The following CEP112 variants were observed in gnomAD, a reference collection of about 807,000 sequenced individuals.
The protein encoded by CEP112 is centrosomal protein of 112 kDa.
Under a neutral mutation model 153.0 loss-of-function variants are expected in CEP112, and 127 were observed. That is an observed-to-expected ratio of 0.83 (90% CI 0.72 to 0.96). CEP112 has a LOEUF of 0.96. CEP112 is among the 40% of genes least tolerant of loss of function. CEP112 has a pLI of 0.00. For missense variants in CEP112, 1,089 were observed against 1,101.2 expected, an observed-to-expected ratio of 0.99 and a Z score of 0.16; for synonymous variants, 358 against 374.4, an observed-to-expected ratio of 0.96 and a Z score of 0.51.
intron 12 of CEP112, among the ~76,000 whole-genome samples, chr17:66,030,418 T>C (rs897117706): frequency 2.6e-5 from 4 of 152,196 alleles, no homozygotes; most frequent in African/African-American, 9.7e-5. Context: ...TGATTTTAAG[T>C]TTTTGAAATG....
chr17:66,067,428 A>G (rs189120401), intron 9 of CEP112, among the ~76,000 whole-genome samples: 1 of 152,302 alleles, frequency 6.6e-6, no homozygotes, highest in Admixed American at 6.5e-5. Flanking sequence ...TATGTGTCTA[A>G]TATTTCTCTT....
intron 19 of CEP112, among the ~76,000 whole-genome samples, chr17:65,922,081 TGTAATGCCACTAGCATGTATAAAA>T (rs2060751704): frequency 6.6e-6 from 1 of 152,166 alleles, no homozygotes; most frequent in Non-Finnish European, 1.5e-5. Context: ...CCAAAAAGCC[TGTAATGCCACTAGCATGTATAAAA>T]GTACCAATTT....
At chr17:66,017,431 C>CA (rs2064818743) in intron 16 of CEP112, among the ~76,000 whole-genome samples, 5 of 152,158 alleles carry the variant, frequency 3.3e-5, no homozygotes, top group Non-Finnish European at 7.3e-5. Flanking sequence ...CTGGGGGTTT[C>CA]TTAAGGTAGA....
chr17:65,687,160 A>ATTTT (rs35675811), intron 24 of CEP112, among the ~76,000 whole-genome samples: 60 of 90,142 alleles, frequency 6.7e-4, no homozygotes, highest in East Asian at 1.0e-3. Flanking sequence ...GTTATTATTA[A>ATTTT]TTTTTTTTTT....
chr17:65,885,502 G>A (rs946921960), intron 20 of CEP112, among the ~76,000 whole-genome samples: 14 of 151,880 alleles, frequency 9.2e-5, no homozygotes, highest in African/African-American at 3.1e-4. Flanking sequence ...AAAAAAAAAC[G>A]GTTTGAATTA....
At chr17:66,044,739 T>C (rs887157818) in intron 12 of CEP112, among the ~76,000 whole-genome samples, 3 of 152,140 alleles carry the variant, frequency 2.0e-5, no homozygotes, top group Non-Finnish European at 4.4e-5. Context: ...GGGTACAAAG[T>C]ATTAGGAAAG....
At chr17:66,027,477 T>G (rs1415844746) in intron 16 of CEP112, 24 bp downstream of exon 16, 6 of 1,345,474 alleles carry the variant, frequency 4.5e-6, no homozygotes, top group Non-Finnish European at 5.0e-6. Context: ...TTAAATATTT[T>G]ATAGCTTCCA....
intron 6 of CEP112, among the ~76,000 whole-genome samples, chr17:66,126,688 A>T (rs2069867015): frequency 6.6e-6 from 1 of 152,194 alleles, no homozygotes; most frequent in Admixed American, 6.5e-5. Flanking sequence ...AAATACTAAC[A>T]TACTCCTGGG....
At position 65,814,441 on chromosome 17, in the gene CEP112, C is replaced by T. The variant is rs552666320; in HGVS notation, c.2394+37363G>A. Among the ~76,000 whole-genome samples the T allele has an allele frequency of 2.0e-5, 3 of 152,224 alleles. No homozygotes were observed. The South Asian group carries it at 6.2e-4, about 32-fold the overall frequency. On this transcript the variant is annotated intron_variant, in intron 21 of 26. Transcript: ENST00000535342. ...GTCAAACTGTTTGAATCTTGTCTCT[C>T]CAAATTATTCAAACGATTTAAGCAT...
At chr17:65,641,686 C>T (rs1306346428) in intron 24 of CEP112, among the ~76,000 whole-genome samples, 1 of 152,128 alleles carries the variant, frequency 6.6e-6, no homozygotes, top group Non-Finnish European at 1.5e-5. Flanking sequence ...ATCAAGGCTG[C>T]AGTGAGCCAA....
chr17:65,856,259 C>G (rs62065092), intron 20 of CEP112, among the ~76,000 whole-genome samples: 21,658 of 151,918 alleles, frequency 0.14, 1,617 homozygotes, highest in Non-Finnish European at 0.17. Flanking sequence ...TTGAAGAACT[C>G]CCTGGGAGGC....
At chr17:66,100,575 C>T (rs2068530352) in intron 6 of CEP112, among the ~76,000 whole-genome samples, 1 of 151,786 alleles carries the variant, frequency 6.6e-6, no homozygotes, top group African/African-American at 2.4e-5. Context: ...AACAAGAATA[C>T]AATAAATGTA....
chr17:65,897,757 A>G (rs1457481534), intron 20 of CEP112, among the ~76,000 whole-genome samples: 1 of 152,100 alleles, frequency 6.6e-6, no homozygotes, highest in African/African-American at 2.4e-5. Context: ...AAAATCTAGT[A>G]ATTACATTTT....
At position 65,863,993 on chromosome 17, in the gene CEP112, T is replaced by C. The variant is rs565641653; in HGVS notation, c.2164-11959A>G. Among the ~76,000 whole-genome samples, 4 of 151,470 alleles carry C rather than the reference T, an allele frequency of 2.6e-5. No homozygotes were observed. The South Asian group carries it at 8.4e-4, about 32-fold the overall frequency. ...CCCGTCTCTACTAAAAATACAAAAA[T>C]TAGCTTGACAGGGGGCACGCACCTG... On this transcript the variant is annotated intron_variant, in intron 20 of 26. Transcript: ENST00000535342.
chr17:65,841,511 A>C (rs1160743846), intron 21 of CEP112, among the ~76,000 whole-genome samples: 1 of 152,034 alleles, frequency 6.6e-6, no homozygotes, highest in Non-Finnish European at 1.5e-5. Flanking sequence ...AAAGAGGAGA[A>C]GACATAAAGA....
At chr17:65,920,037 T>C (rs1473144387) in intron 19 of CEP112, among the ~76,000 whole-genome samples, 1 of 151,796 alleles carries the variant, frequency 6.6e-6, no homozygotes, top group African/African-American at 2.4e-5. Flanking sequence ...CAATAAACAG[T>C]GTAGCTACCT....
At chr17:65,840,028 G>T (rs2057459804) in intron 21 of CEP112, among the ~76,000 whole-genome samples, 1 of 151,992 alleles carries the variant, frequency 6.6e-6, no homozygotes, top group Non-Finnish European at 1.5e-5. Flanking sequence ...CACAAAAATG[G>T]AAAGATACTC....
At chr17:65,935,002 C>T (rs946760142) in intron 18 of CEP112, among the ~76,000 whole-genome samples, 24 of 152,158 alleles carry the variant, frequency 1.6e-4, no homozygotes, top group African/African-American at 5.8e-4. Context: ...GACTCACCCA[C>T]TATCAAGAGA....
chr17:66,057,241 G>A (rs1326290007), intron 11 of CEP112, among the ~76,000 whole-genome samples: 1 of 152,182 alleles, frequency 6.6e-6, no homozygotes, highest in Non-Finnish European at 1.5e-5. Context: ...CTGAACTAAG[G>A]AAGGAAGAGT....
Sources: allele counts gnomAD v4.1 joint callset (sites outside exome capture counted in the v4.1 genomes callset), GRCh38; gene constraint gnomAD v4.1.1; transcripts MANE v1.5; gene names NCBI Gene and HGNC (gene_info 2026-07-23, HGNC 2026-07-21).